The following CFAP20DC variants were observed in gnomAD, a reference collection of about 807,000 sequenced individuals.
CFAP20DC encodes CFAP20 domain containing.
In CFAP20DC, 84 loss-of-function variants were observed where a neutral mutation model predicts 101.7. That is an observed-to-expected ratio of 0.83 (90% CI 0.69 to 0.99). The LOEUF (loss-of-function observed/expected upper bound fraction) is 0.99. Ranked by LOEUF, CFAP20DC falls within the 50% of genes least tolerant of loss-of-function variation. CFAP20DC has a pLI of 0.00. For synonymous variants in CFAP20DC, 359 were observed against 351.2 expected (o/e 1.02, Z -0.25); for missense variants, 1,007 against 970.3 (o/e 1.04, Z -0.50).
chr3:59,003,944 G>A (rs890242099), intron 4 of CFAP20DC, among the ~76,000 whole-genome samples: 2 of 152,236 alleles, frequency 1.3e-5, no homozygotes, highest in African/African-American at 4.8e-5. Context: ...AGACCCATTG[G>A]ATTAATGGAC....
At chr3:58,955,168 CA>C (rs2090511919) in intron 4 of CFAP20DC, among the ~76,000 whole-genome samples, 1 of 152,070 alleles carries the variant, frequency 6.6e-6, no homozygotes, top group African/African-American at 2.4e-5. Flanking sequence ...AAGGGCAGAA[CA>C]AAAGGCTCCA....
Position 58,776,823 on chromosome 3 carries a change from A to G in CFAP20DC, c.2238-22960T>C, listed in dbSNP as rs1360364598. On this transcript the variant is annotated intron_variant, in intron 15 of 16. Transcript: ENST00000482387. ...AGGAACTATGTAGAGGCCTGGTTAG[A>G]AAAAAGGCAACAGAAAGAACAGTAA... 2.0e-5 allele frequency among the ~76,000 whole-genome samples: 3 copies of G among 151,946 alleles called. No individual in the cohort carries two copies. In the East Asian group the frequency reaches 5.8e-4, roughly 29 times the overall value.
chr3:59,042,546 C>G (rs573115150), intron 3 of CFAP20DC, among the ~76,000 whole-genome samples: 1 of 151,228 alleles, frequency 6.6e-6, no homozygotes, highest in Admixed American at 6.6e-5. Context: ...TGCAAAAGCA[C>G]GAACGAGAAA....
At chr3:58,917,105 A>G (rs977706097) in intron 5 of CFAP20DC, among the ~76,000 whole-genome samples, 4 of 152,160 alleles carry the variant, frequency 2.6e-5, no homozygotes, top group African/African-American at 9.7e-5. Flanking sequence ...GATAGAGAAA[A>G]GACAGTTCTA....
chr3:58,963,487 T>C (rs1357797997), intron 4 of CFAP20DC, among the ~76,000 whole-genome samples: 2 of 152,076 alleles, frequency 1.3e-5, no homozygotes, highest in African/African-American at 4.8e-5. Context: ...TCATTGTCAA[T>C]TATCCTGAAA....
chr3:58,824,843 T>C (rs1410762299), intron 14 of CFAP20DC, among the ~76,000 whole-genome samples: 2 of 152,036 alleles, frequency 1.3e-5, no homozygotes, highest in African/African-American at 2.4e-5. Context: ...TTTTTTTTTT[T>C]TTAAGAGATG....
In CFAP20DC at chr3:58,717,626, C is replaced by T. The variant is rs181180809; in HGVS notation, c.202G>A (p.Glu68Lys). ...ATGGCTGTAGCACTTCCAGACATTT[C>T]TTCTGCATTTCAGGTAGGAGAAGAG... is the stretch of plus-strand genomic sequence containing the variant. The change falls in exon 4 of 4, where the codon GAA becomes AAA. Residue 68 changes from glutamate to lysine, a missense_variant and splice_region_variant. Physicochemically the swap from Glu to Lys is moderately conservative, Grantham distance 56. Coordinates refer to the CFAP20DC transcript ENST00000486145. This position sits in a 1 kb window ranked among gnomAD's most constrained non-coding sequence, Gnocchi z 4.1. 1.4e-4 allele frequency: 61 copies of T among 450,258 alleles called. No homozygotes were observed. The East Asian group carries it at 3.8e-3, about 28-fold the overall frequency. 27.9% of individuals were successfully genotyped at this position (450,258 alleles called of 1,614,324 possible). A position where few individuals can be genotyped will look rare whatever the true frequency, so the allele number is the denominator to read the frequency against.
At chr3:59,019,811 T>C (rs748445479) in intron 4 of CFAP20DC, among the ~76,000 whole-genome samples, 1 of 152,114 alleles carries the variant, frequency 6.6e-6, no homozygotes, top group Non-Finnish European at 1.5e-5. Context: ...TGGGGATAGC[T>C]AAGGGTCTGC....
At chr3:58,929,660 T>C (rs2086368939) in intron 5 of CFAP20DC, among the ~76,000 whole-genome samples, 1 of 152,214 alleles carries the variant, frequency 6.6e-6, no homozygotes, top group South Asian at 2.1e-4. Context: ...AGCTCATTTT[T>C]ATTACAGGGC....
chr3:58,828,824 T>C (rs1239866366), intron 14 of CFAP20DC, among the ~76,000 whole-genome samples: 2 of 151,452 alleles, frequency 1.3e-5, no homozygotes, highest in East Asian at 3.9e-4. Context: ...AAAAAGTGCA[T>C]AATCTGTCAT....
Position 59,046,322 on chromosome 3 carries a change from C to G in CFAP20DC, c.112G>C (p.Glu38Gln). 9 of 1,509,172 alleles carry G rather than the reference C, an allele frequency of 6.0e-6. No homozygotes were observed. The highest frequency in any genetic ancestry group is 7.9e-6 in the Non-Finnish European group (9 of 1,132,132). 93.5% of individuals were successfully genotyped at this position (1,509,172 alleles called of 1,614,324 possible). Reference protein sequence around the residue: ...ILGSPSVIWKEFDKEVKSFVF... With the variant: ...ILGSPSVIWKQFDKEVKSFVF... The stretch of plus-strand genomic sequence containing the variant: ...AAACTTTTAACTTCTTTATCAAACT[C>G]CTATAGAACAAAATGAAAACAGTAG... The change falls in exon 3 of 17, where the codon GAG becomes CAG. Residue 38 changes from glutamate to glutamine, a missense_variant and splice_region_variant. Physicochemically the swap from Glu to Gln is conservative, Grantham distance 29. Coordinates refer to ENST00000482387, the MANE Select transcript of CFAP20DC (RefSeq NM_001394063.1).
chr3:58,785,218 G>C (rs2072222469), intron 15 of CFAP20DC, among the ~76,000 whole-genome samples: 1 of 152,082 alleles, frequency 6.6e-6, no homozygotes, highest in Admixed American at 6.6e-5. Context: ...TCATATGTGA[G>C]AGTTCAAAAA....
chr3:58,960,491 CAA>C (rs931283893), intron 4 of CFAP20DC, among the ~76,000 whole-genome samples: 10 of 96,496 alleles, frequency 1.0e-4, no homozygotes, highest in Non-Finnish European at 8.7e-5. Context: ...GACTCTGTCT[CAA>C]AAAAAAAAAA....
chr3:58,938,401 T>C (rs575528951), intron 4 of CFAP20DC, among the ~76,000 whole-genome samples: 1 of 152,314 alleles, frequency 6.6e-6, no homozygotes, highest in African/African-American at 2.4e-5. Context: ...TTCAAATTGA[T>C]AGAGGCTCAT....
intron 4 of CFAP20DC, among the ~76,000 whole-genome samples, chr3:58,973,115 T>C (rs1443936161): frequency 6.6e-6 from 1 of 152,246 alleles, no homozygotes; most frequent in Non-Finnish European, 1.5e-5. Context: ...ATGGGGATTA[T>C]GTCCATTCTC....
intron 4 of CFAP20DC, among the ~76,000 whole-genome samples, chr3:59,012,415 T>G (rs2093604297): frequency 6.6e-6 from 1 of 151,882 alleles, no homozygotes; most frequent in East Asian, 1.9e-4. Context: ...GACAAGGCTA[T>G]TGGAGCCAGA....
chr3:58,758,853 C>A (rs2069226987), intron 15 of CFAP20DC, among the ~76,000 whole-genome samples: 1 of 152,048 alleles, frequency 6.6e-6, no homozygotes, highest in Admixed American at 6.5e-5. Context: ...CATGTCCCTA[C>A]AAAGGACAAG....
intron 14 of CFAP20DC, among the ~76,000 whole-genome samples, chr3:58,810,483 G>T (rs1185395805): frequency 1.3e-5 from 2 of 152,024 alleles, no homozygotes; most frequent in Non-Finnish European, 2.9e-5. Context: ...TGCAGAAAAG[G>T]CCTCTGACAA....
chr3:58,870,914 A>AG (rs1246313117), intron 7 of CFAP20DC, among the ~76,000 whole-genome samples: 21 of 149,228 alleles, frequency 1.4e-4, no homozygotes, highest in Non-Finnish European at 2.2e-4. Context: ...AAAAAAAAAA[A>AG]AAAAAAAAAA....
Sources: allele counts gnomAD v4.1 joint callset (sites outside exome capture counted in the v4.1 genomes callset), GRCh38; gene constraint gnomAD v4.1.1; non-coding constraint Gnocchi (gnomAD v3.1); transcripts MANE v1.5; gene names NCBI Gene and HGNC (gene_info 2026-07-23, HGNC 2026-07-21).